The following CLMP variants were observed in gnomAD, a reference collection of about 807,000 sequenced individuals.
CLMP encodes the protein CXADR-like membrane protein.
CLMP carries 27 observed loss-of-function variants against 45.2 expected under a neutral mutation model. The ratio of observed to expected loss-of-function variants is 0.60; its 90% CI spans 0.44 to 0.82. CLMP has a LOEUF of 0.82. CLMP is among the 40% of genes least tolerant of loss of function. The pLI, the probability that CLMP is intolerant of heterozygous loss-of-function variation, is 0.00. For synonymous variants in CLMP, 167 were observed against 171.4 expected, an observed-to-expected ratio of 0.97 and a Z score of 0.20; for missense variants, 403 against 448.4, an observed-to-expected ratio of 0.90 and a Z score of 0.91.
chr11:123,106,322 C>T, intron 1 of CLMP, among the ~76,000 whole-genome samples: 1 of 149,210 alleles, frequency 6.7e-6, no homozygotes, highest in Non-Finnish European at 1.5e-5. Context: ...TTCAATGAAC[C>T]TTCAGCGGGC....
chr11:123,121,637 T>G (rs1230482072), intron 1 of CLMP, among the ~76,000 whole-genome samples: 1 of 151,750 alleles, frequency 6.6e-6, no homozygotes, highest in African/African-American at 2.4e-5. Flanking sequence ...CAGTGGGAGG[T>G]GGGTAATGGC....
chr11:123,194,249 G>C (rs1861947833), intron 1 of CLMP, among the ~76,000 whole-genome samples: 1 of 152,054 alleles, frequency 6.6e-6, no homozygotes, highest in South Asian at 2.1e-4. Flanking sequence ...ATTTCCCTCT[G>C]TTCTGGTTCC....
chr11:123,106,461 G>T (rs1361709720), intron 1 of CLMP, among the ~76,000 whole-genome samples: 1 of 150,962 alleles, frequency 6.6e-6, no homozygotes, highest in African/African-American at 2.4e-5. Flanking sequence ...CTTCCAGATT[G>T]TTTATGGAAC....
At chr11:123,139,899 T>C (rs111897402) in intron 1 of CLMP, among the ~76,000 whole-genome samples, 51 of 151,772 alleles carry the variant, frequency 3.4e-4, no homozygotes, top group African/African-American at 1.2e-3. Context: ...GGTAGAGAAG[T>C]ACATAATAGA....
chr11:123,183,085 C>G (rs1861790050), intron 1 of CLMP, among the ~76,000 whole-genome samples: 4 of 152,152 alleles, frequency 2.6e-5, no homozygotes, highest in Admixed American at 2.6e-4. Context: ...AGTACTTGCT[C>G]TTCTATAATG....
intron 1 of CLMP, among the ~76,000 whole-genome samples, chr11:123,173,478 C>T (rs995651112): frequency 6.6e-6 from 1 of 152,160 alleles, no homozygotes; most frequent in Non-Finnish European, 1.5e-5. Flanking sequence ...CGTGTAATAA[C>T]CACAAGGGAA....
chr11:123,145,603 C>G (rs1861227692), intron 1 of CLMP, among the ~76,000 whole-genome samples: 1 of 152,090 alleles, frequency 6.6e-6, no homozygotes, highest in South Asian at 2.1e-4. Flanking sequence ...GCTGGGCCTA[C>G]AGGTGCCCGC....
chr11:123,123,342 C>CTTTTTTTTTTTTTTTTTT (rs1565389449), intron 1 of CLMP, among the ~76,000 whole-genome samples: 2 of 149,838 alleles, frequency 1.3e-5, no homozygotes, highest in African/African-American at 5.0e-5. Flanking sequence ...TCACTGCAGC[C>CTTTTTTTTTTTTTTTTTT]TCCACCTCCC....
intron 2 of CLMP, among the ~76,000 whole-genome samples, chr11:123,089,593 G>C (rs58261893): frequency 1.3e-5 from 2 of 150,076 alleles, no homozygotes; most frequent in East Asian, 3.9e-4. Flanking sequence ...GTGAAACCCC[G>C]TCTCTACTAA....
At chr11:123,084,090 A>G (rs1865836313) in intron 3 of CLMP, among the ~76,000 whole-genome samples, 1 of 152,196 alleles carries the variant, frequency 6.6e-6, no homozygotes, top group Non-Finnish European at 1.5e-5. Context: ...AGGCTGCCTC[A>G]TTACTTCTCA....
rs1048244456 is a variant in CLMP at position 123,195,014 on chromosome 11, A to G, written c.-74T>C. On this transcript the variant is annotated 5_prime_UTR_variant, in exon 1 of 7. Coordinates refer to ENST00000448775, the MANE Select transcript of CLMP (RefSeq NM_024769.5). Reference sequence around the variant, plus strand: ...CGGGGCGGCCGGGCGCCTCCGACGGACCTCGGGCGAGCTGGGCGCGGCGCC... The same window carrying G: ...CGGGGCGGCCGGGCGCCTCCGACGGGCCTCGGGCGAGCTGGGCGCGGCGCC... 75 of 1,490,064 alleles carry G rather than the reference A, an allele frequency of 5.0e-5. No homozygotes were observed. The African/African-American group carries it at 9.0e-4, about 18-fold the overall frequency. The allele number at this position is 1,490,064 out of a possible 1,614,324, so 92.3% of individuals were successfully genotyped here.
chr11:123,109,059 C>CAAAAAAAAA (rs776811883), intron 1 of CLMP, among the ~76,000 whole-genome samples: 3 of 64,204 alleles, frequency 4.7e-5, no homozygotes, highest in Admixed American at 1.7e-4. Context: ...AACTCTGTCT[C>CAAAAAAAAA]AAAAAAAAAA....
intron 2 of CLMP, among the ~76,000 whole-genome samples, chr11:123,096,253 TG>T (rs1865987818): frequency 6.6e-6 from 1 of 151,880 alleles, no homozygotes; most frequent in Non-Finnish European, 1.5e-5. Context: ...ACTCAGGAGT[TG>T]GAGGCATGAG....
At chr11:123,150,532 G>C (rs200500038) in intron 1 of CLMP, among the ~76,000 whole-genome samples, 17 of 111,130 alleles carry the variant, frequency 1.5e-4, no homozygotes, top group Admixed American at 9.6e-4. Context: ...AGGAAGGAAA[G>C]AAACAAGCAA....
rs113858165 is a variant in CLMP at position 123,150,201 on chromosome 11, AACACACACAC to A, written c.28+44702_28+44711del. 4.5e-4 allele frequency among the ~76,000 whole-genome samples: 64 copies of A among 142,292 alleles called. 2 individuals are homozygous for A. Among genetic ancestry groups the A allele is most frequent in the East Asian group, 1.9e-3 (9 of 4,812 alleles). 93.3% of individuals were successfully genotyped at this position (142,292 alleles called of 152,430 possible). ...GGAAAAAAATGCTACACACACACTA[AACACACACAC>A]ACACACACACACACACACAGGGATT... On this transcript the variant is annotated intron_variant, in intron 1 of 6. Transcript: ENST00000448775.
intron 5 of CLMP, among the ~76,000 whole-genome samples, chr11:123,076,566 GGC>G (rs1865742671): frequency 6.6e-6 from 1 of 152,120 alleles, no homozygotes; most frequent in Admixed American, 6.6e-5. Context: ...TTTGAGTTGA[GGC>G]ATATATGATA....
intron 1 of CLMP, among the ~76,000 whole-genome samples, chr11:123,178,047 G>T (rs1861722072): frequency 6.6e-6 from 1 of 151,950 alleles, no homozygotes; most frequent in South Asian, 2.1e-4. Context: ...TGTATTTTTA[G>T]TAGAGATGGG....
At chr11:123,189,912 G>C (rs1327225410) in intron 1 of CLMP, among the ~76,000 whole-genome samples, 1 of 150,320 alleles carries the variant, frequency 6.7e-6, no homozygotes, top group Non-Finnish European at 1.5e-5. Context: ...TGAGGCAGGA[G>C]AATCGCTTGA....
At chr11:123,142,877 C>T (rs1861184457) in intron 1 of CLMP, among the ~76,000 whole-genome samples, 3 of 151,898 alleles carry the variant, frequency 2.0e-5, no homozygotes, top group Admixed American at 6.6e-5. Context: ...CCACCCACCT[C>T]GGCCTCCCAA....
Sources: allele counts gnomAD v4.1 joint callset (sites outside exome capture counted in the v4.1 genomes callset), GRCh38; gene constraint gnomAD v4.1.1; transcripts MANE v1.5; gene names NCBI Gene and HGNC (gene_info 2026-07-23, HGNC 2026-07-21).